The following TNIK variants were observed in gnomAD, a reference collection of about 807,000 sequenced individuals.
TNIK encodes TRAF2 and NCK interacting kinase, also known as TRAF2 and NCK-interacting protein kinase.
In TNIK, 49 loss-of-function variants were observed where a neutral mutation model predicts 191.3. That is an observed-to-expected ratio of 0.26 (90% confidence interval 0.20 to 0.32). TNIK has a LOEUF of 0.32. Among genes scored for constraint, TNIK ranks in the 10% least tolerant of loss-of-function variants. The probability of loss-of-function intolerance (pLI) is 1.00; values close to 1 mark genes in which losing one functional copy is unlikely to be tolerated. For missense variants in TNIK, 1,155 were observed against 1,702.3 expected (o/e 0.68, Z 5.66); for synonymous variants, 594 against 600.9 (o/e 0.99, Z 0.17).
rs571797618 is a variant in TNIK, at chr3:171,344,294, C to T, written c.123+25326G>A. On this transcript the variant is annotated intron_variant, in intron 2 of 32. Coordinates refer to ENST00000436636, the MANE Select transcript of TNIK (RefSeq NM_015028.4). The stretch of plus-strand genomic sequence containing the variant: ...CAAGATTTGACCTTGAGATTGCTTG[C>T]AAACTCCAAAGCTGTCTCTTTCCAT... Among the ~76,000 whole-genome samples, 30 of 152,280 alleles carry T rather than the reference C, an allele frequency of 2.0e-4. No individual in the cohort carries two copies. The South Asian group carries it at 5.0e-3, about 25-fold the overall frequency.
chr3:171,109,915 T>C (rs908659466), intron 19 of TNIK, among the ~76,000 whole-genome samples: 1 of 152,188 alleles, frequency 6.6e-6, no homozygotes, highest in Non-Finnish European at 1.5e-5. Flanking sequence ...AACAATTTTT[T>C]TTTTTTTTGA....
rs6767137 is a variant in TNIK at position 171,350,696 on chromosome 3, G to A, written c.123+18924C>T. On this transcript the variant is annotated intron_variant, in intron 2 of 32. Coordinates refer to ENST00000436636, the MANE Select transcript of TNIK (RefSeq NM_015028.4). Reference sequence around the variant, plus strand: ...CATACATAAAAACTAACTTTTTTGAGTACTCACTGTATACCTAAAATTCTT... The same window carrying A: ...CATACATAAAAACTAACTTTTTTGAATACTCACTGTATACCTAAAATTCTT... Among the ~76,000 whole-genome samples the A allele has an allele frequency of 7.1e-3, 1,071 of 149,814 alleles. 9 individuals are homozygous for A. Among genetic ancestry groups the A allele is most frequent in the African/African-American group, 0.024 (981 of 40,704 alleles).
At chr3:171,437,948 C>T (rs1352452490) in intron 1 of TNIK, among the ~76,000 whole-genome samples, 5 of 152,216 alleles carry the variant, frequency 3.3e-5, no homozygotes, top group Admixed American at 6.5e-5. Flanking sequence ...CGCCATGAGG[C>T]GGCAAAATGT....
intron 10 of TNIK, among the ~76,000 whole-genome samples, chr3:171,163,009 C>A (rs1470086460): frequency 6.6e-6 from 1 of 152,200 alleles, no homozygotes; most frequent in Non-Finnish European, 1.5e-5. Flanking sequence ...AGGTCAGTGG[C>A]CCTTCTCCAG....
intron 2 of TNIK, among the ~76,000 whole-genome samples, chr3:171,353,669 A>G (rs145073917): frequency 6.6e-6 from 1 of 152,336 alleles, no homozygotes; most frequent in East Asian, 1.9e-4. Flanking sequence ...TGGCTCTTAA[A>G]CTATCAAGAG....
intron 2 of TNIK, among the ~76,000 whole-genome samples, chr3:171,244,746 A>AT (rs1295389081): frequency 6.6e-6 from 1 of 151,802 alleles, no homozygotes; most frequent in African/African-American, 2.4e-5. Context: ...TGACACACCC[A>AT]TATTTGATAT....
chr3:171,069,040 C>T (rs886117799), intron 29 of TNIK, 43 bp from the exon 30 acceptor site: 5 of 1,564,770 alleles, frequency 3.2e-6, no homozygotes, highest in East Asian at 2.3e-5. Flanking sequence ...CTCAAAGAGG[C>T]ATCTTAATTT....
intron 23 of TNIK, among the ~76,000 whole-genome samples, chr3:171,088,885 A>C (rs1010584921): frequency 2.0e-5 from 3 of 152,218 alleles, no homozygotes; most frequent in African/African-American, 7.2e-5. Flanking sequence ...TCATCAACAC[A>C]GTATTTTTTA....
chr3:171,314,473 G>C (rs994357666), intron 2 of TNIK, among the ~76,000 whole-genome samples: 3 of 152,132 alleles, frequency 2.0e-5, no homozygotes, highest in African/African-American at 7.2e-5. Context: ...TCCCATTTCT[G>C]CCTCTCTGTA....
intron 2 of TNIK, among the ~76,000 whole-genome samples, chr3:171,286,340 G>A (rs1751011462): frequency 6.6e-6 from 1 of 152,190 alleles, no homozygotes; most frequent in Admixed American, 6.5e-5. Flanking sequence ...AATAGGGAAG[G>A]ATCTATTCAG....
intron 2 of TNIK, among the ~76,000 whole-genome samples, chr3:171,322,696 C>A (rs1205325798): frequency 5.3e-5 from 8 of 152,120 alleles, no homozygotes; most frequent in African/African-American, 1.7e-4. Flanking sequence ...AAATAAGCCA[C>A]TAAGAAAAGG....
intron 12 of TNIK, among the ~76,000 whole-genome samples, chr3:171,149,382 A>AC (rs1172418521): frequency 6.6e-6 from 1 of 152,126 alleles, no homozygotes; most frequent in East Asian, 1.9e-4. Context: ...AGCGTACTCT[A>AC]CCTTCCTATG....
At chr3:171,276,971 T>A (rs909718918) in intron 2 of TNIK, among the ~76,000 whole-genome samples, 13 of 152,222 alleles carry the variant, frequency 8.5e-5, no homozygotes, top group South Asian at 2.1e-4. Flanking sequence ...CCTTCCAAGT[T>A]CATGCAATGG....
intron 1 of TNIK, among the ~76,000 whole-genome samples, chr3:171,378,959 T>C (rs913224710): frequency 6.6e-6 from 1 of 152,180 alleles, no homozygotes; most frequent in African/African-American, 2.4e-5. Flanking sequence ...ACCCATTGCC[T>C]TTCAAAAAGT....
chr3:171,454,985 A>T (rs542173225), intron 1 of TNIK, among the ~76,000 whole-genome samples: 36 of 152,304 alleles, frequency 2.4e-4, no homozygotes, highest in African/African-American at 7.9e-4. Flanking sequence ...AACTTTTTTT[A>T]AAAAAGAAGG....
intron 2 of TNIK, among the ~76,000 whole-genome samples, chr3:171,234,778 C>T (rs973321616): frequency 1.3e-5 from 2 of 152,186 alleles, no homozygotes; most frequent in Non-Finnish European, 2.9e-5. Context: ...GAGCCTAATG[C>T]CTGTACCCAG....
chr3:171,126,044 G>A lies in TNIK; in HGVS notation c.1881C>T (p.Asn627=), dbSNP rs368779668. The A allele has an allele frequency of 1.5e-4, 240 of 1,613,810 alleles. 1 individual carries two copies. The highest frequency in any genetic ancestry group is 2.4e-4 in the South Asian group (22 of 91,046). ...GCATCTCCACGCGGTGGGAGGTCAC[G>A]TTCAGAGCCTCCTGAAACCCAGAGA... The part of the protein sequence containing the change: ...KGLSGFQEAL[N]VTSHRVEMPR... Residue 627 remains asparagine (N), a synonymous_variant, in exon 17 of 33, where the codon AAC becomes AAT. Transcript: ENST00000436636.
intron 1 of TNIK, among the ~76,000 whole-genome samples, chr3:171,376,004 C>G (rs1467979748): frequency 6.6e-6 from 1 of 152,140 alleles, no homozygotes; most frequent in Admixed American, 6.5e-5. Flanking sequence ...GACTGCTACC[C>G]CCGGATTCCC....
intron 15 of TNIK, among the ~76,000 whole-genome samples, chr3:171,132,457 C>A (rs562528169): frequency 1.2e-4 from 18 of 152,072 alleles, no homozygotes; most frequent in Admixed American, 2.0e-4. Flanking sequence ...TCTGTGTTAT[C>A]CACTGCCTAG....
Sources: allele counts gnomAD v4.1 joint callset (sites outside exome capture counted in the v4.1 genomes callset), GRCh38; gene constraint gnomAD v4.1.1; transcripts MANE v1.5; gene names NCBI Gene and HGNC (gene_info 2026-07-23, HGNC 2026-07-21).